TTC29: variants seen among roughly 807,000 people sequenced by gnomAD.
TTC29 encodes tetratricopeptide repeat protein 29.
Under a neutral mutation model 58.1 loss-of-function variants are expected in TTC29, and 49 were observed. That is an observed-to-expected ratio of 0.84 (90% CI 0.67 to 1.07). The LOEUF is 1.07. Among genes scored for constraint, TTC29 ranks in the 50% least tolerant of loss-of-function variants. TTC29 has a pLI of 0.00. For missense variants in TTC29, 582 were observed against 555.6 expected, an observed-to-expected ratio of 1.05 and a Z score of -0.48; for synonymous variants, 209 against 196.8, an observed-to-expected ratio of 1.06 and a Z score of -0.52.
chr4:146,791,934 C>T (rs933318939), intron 11 of TTC29, among the ~76,000 whole-genome samples: 1 of 152,168 alleles, frequency 6.6e-6, no homozygotes, highest in Non-Finnish European at 1.5e-5. Context: ...GCCCCAAACT[C>T]TCTAATTCTG....
At chr4:146,882,541 GATAA>G (rs1161707734) in intron 6 of TTC29, among the ~76,000 whole-genome samples, 1 of 151,888 alleles carries the variant, frequency 6.6e-6, no homozygotes, top group Non-Finnish European at 1.5e-5. Context: ...AACATCTGAG[GATAA>G]ATAAAGTTAA....
intron 10 of TTC29, among the ~76,000 whole-genome samples, chr4:146,812,100 G>GA (rs966756664): frequency 1.3e-5 from 2 of 151,938 alleles, no homozygotes; most frequent in Non-Finnish European, 1.5e-5. Context: ...CTATAATTGA[G>GA]AAACATACAA....
At chr4:146,738,119 C>T (rs544895825) in intron 11 of TTC29, among the ~76,000 whole-genome samples, 2 of 152,286 alleles carry the variant, frequency 1.3e-5, no homozygotes, top group East Asian at 1.9e-4. Flanking sequence ...GAGGCACTAT[C>T]GGTCTAGTAT....
intron 11 of TTC29, among the ~76,000 whole-genome samples, chr4:146,726,624 A>C (rs1179758126): frequency 6.6e-6 from 1 of 152,132 alleles, no homozygotes; most frequent in Non-Finnish European, 1.5e-5. Context: ...TGGTATATAG[A>C]CAGCATATTT....
chr4:146,896,647 T>G (rs1170776242), intron 6 of TTC29, among the ~76,000 whole-genome samples: 2 of 152,176 alleles, frequency 1.3e-5, no homozygotes. Context: ...TTCCAATTAT[T>G]GTGTATTCTT....
At chr4:146,812,795 G>A (rs1028786618) in intron 10 of TTC29, 6 of 152,146 alleles carry the variant, frequency 3.9e-5, no homozygotes, top group African/African-American at 1.2e-4. Flanking sequence ...TATTGTACTT[G>A]TGGATGTTTA....
Position 146,816,968 on chromosome 4 carries a change from T to C in TTC29, c.1101+3157A>G, listed in dbSNP as rs1180392548. ...CTGAGGGTCTGGCAAAGGGGAATTG[T>C]TTGATACCACTAAGGGTGTAGAGAA... On this transcript the variant is annotated intron_variant, in intron 10 of 12. Transcript: ENST00000325106. Among the ~76,000 whole-genome samples the C allele has an allele frequency of 4.6e-5, 7 of 152,222 alleles. No individual in the cohort carries two copies. The East Asian group carries it at 9.7e-4, about 21-fold the overall frequency.
intron 6 of TTC29, among the ~76,000 whole-genome samples, chr4:146,894,076 T>C (rs1268417627): frequency 1.3e-5 from 2 of 152,174 alleles, no homozygotes; most frequent in Admixed American, 6.5e-5. Flanking sequence ...TTTTACACTG[T>C]TGGTGGGACT....
chr4:146,806,661 A>G (rs1021487544), intron 10 of TTC29, among the ~76,000 whole-genome samples: 10 of 152,182 alleles, frequency 6.6e-5, no homozygotes, highest in African/African-American at 2.4e-4. Context: ...ATAATGGTAA[A>G]GGGATCAATG....
intron 11 of TTC29, among the ~76,000 whole-genome samples, chr4:146,752,343 A>ATCCAACTTACAC (rs1746072006): frequency 1.2e-5 from 1 of 80,738 alleles, no homozygotes. Context: ...TAAAATAACA[A>ATCCAACTTACAC]GGGATGTGAA....
intron 8 of TTC29, among the ~76,000 whole-genome samples, chr4:146,839,894 TTAATTCA>T (rs751526403): frequency 3.0e-4 from 45 of 151,970 alleles, no homozygotes; most frequent in Non-Finnish European, 1.2e-4. Flanking sequence ...GTTGACTGAA[TTAATTCA>T]TACTTATACA....
chr4:146,895,454 T>C (rs1170682217), intron 6 of TTC29, among the ~76,000 whole-genome samples: 1 of 152,180 alleles, frequency 6.6e-6, no homozygotes, highest in Non-Finnish European at 1.5e-5. Context: ...TCCTCTCTCC[T>C]TCATTCTTCA....
chr4:146,738,008 G>T (rs1744849824), intron 11 of TTC29, among the ~76,000 whole-genome samples: 1 of 152,082 alleles, frequency 6.6e-6, no homozygotes, highest in Non-Finnish European at 1.5e-5. Context: ...GCAAAATTGG[G>T]GTTAAGAATA....
chr4:146,907,730 C>T (rs982842210), intron 5 of TTC29, among the ~76,000 whole-genome samples: 5 of 152,264 alleles, frequency 3.3e-5, no homozygotes, highest in African/African-American at 1.2e-4. Flanking sequence ...AAACTCCTGA[C>T]CTCAGGTGAT....
intron 11 of TTC29, among the ~76,000 whole-genome samples, chr4:146,788,146 C>T (rs1172204485): frequency 6.6e-6 from 1 of 152,224 alleles, no homozygotes; most frequent in Non-Finnish European, 1.5e-5. Context: ...CATAGCAAGT[C>T]AACTGAACAC....
chr4:146,883,829 A>T (rs968149553), intron 6 of TTC29, among the ~76,000 whole-genome samples: 7 of 152,116 alleles, frequency 4.6e-5, no homozygotes, highest in African/African-American at 7.2e-5. Flanking sequence ...AAATACAAGC[A>T]GCAATGTCAG....
At chr4:146,936,201 G>GA (rs1735802981) in intron 4 of TTC29, among the ~76,000 whole-genome samples, 1 of 152,096 alleles carries the variant, frequency 6.6e-6, no homozygotes, top group Non-Finnish European at 1.5e-5. Context: ...ATCTTTAGTG[G>GA]AAAAATAATA....
intron 8 of TTC29, among the ~76,000 whole-genome samples, chr4:146,860,655 G>A (rs926765642): frequency 6.6e-6 from 1 of 152,144 alleles, no homozygotes; most frequent in Admixed American, 6.5e-5. Flanking sequence ...ATTGTGCTAC[G>A]CAGAATGGTG....
intron 11 of TTC29, among the ~76,000 whole-genome samples, chr4:146,767,178 GT>G (rs1269103139): frequency 6.6e-6 from 1 of 151,816 alleles, no homozygotes; most frequent in Non-Finnish European, 1.5e-5. Context: ...CATTCCCCTT[GT>G]AGTTAATCAT....
Sources: allele counts gnomAD v4.1 joint callset (sites outside exome capture counted in the v4.1 genomes callset), GRCh38; gene constraint gnomAD v4.1.1; transcripts MANE v1.5; gene names NCBI Gene and HGNC (gene_info 2026-07-23, HGNC 2026-07-21).